The following PNLIPRP1 variants were observed in gnomAD, a reference collection of about 807,000 sequenced individuals.
The protein encoded by PNLIPRP1 is inactive pancreatic lipase-related protein 1.
In PNLIPRP1, 57 loss-of-function variants were observed where a neutral mutation model predicts 54.6. The observed-to-expected ratio is 1.04, with a 90% CI of 0.84 to 1.30. The LOEUF (loss-of-function observed/expected upper bound fraction) is 1.30. PNLIPRP1 is among the 50% of genes most tolerant of loss of function. The pLI is 0.00. For synonymous variants in PNLIPRP1, 232 were observed against 208.8 expected, an observed-to-expected ratio of 1.11 and a Z score of -0.96; for missense variants, 567 against 568.5, an observed-to-expected ratio of 1.00 and a Z score of 0.03.
intron 4 of PNLIPRP1, chr10:116,594,449 GT>G (rs1847698960): frequency 1.9e-6 from 1 of 539,694 alleles, no homozygotes. Context: ...TGATGCAATT[GT>G]TTTTCCCTTA....
At chr10:116,594,403 C>G (rs1301569067) in intron 4 of PNLIPRP1, 7 of 505,854 alleles carry the variant, frequency 1.4e-5, no homozygotes, top group African/African-American at 3.9e-5. Flanking sequence ...GAGATTGCAC[C>G]TAAGACTTTT....
Position 116,597,906 on chromosome 10 carries a change from A to T in PNLIPRP1, c.653A>T (p.Asp218Val). 6.2e-7 allele frequency: 1 copy of T among 1,614,214 alleles called. No individual in the cohort carries two copies. Among genetic ancestry groups the T allele is most frequent in the Non-Finnish European group, 8.5e-7 (1 of 1,180,046 alleles). ...RLDPSDADFVDVIHTDAAPLI... is the reference protein window; with the variant it reads ...RLDPSDADFVVVIHTDAAPLI... ...GATCCCTCTGATGCTGACTTTGTTG[A>T]TGTGATTCACACGGATGCAGCTCCC... The change falls in exon 7 of 13, where the codon GAT (aspartate) becomes GTT (valine). Residue 218 changes from aspartate to valine, a missense_variant. Physicochemically the swap from Asp to Val is radical, Grantham distance 152 (BLOSUM62 -3). Transcript: ENST00000358834.
chr10:116,590,961 T>C lies in PNLIPRP1; in HGVS notation c.-35T>C, dbSNP rs1847624705. 1 of 590,996 alleles carries C rather than the reference T, an allele frequency of 1.7e-6. No individual in the cohort carries two copies. The highest frequency in any genetic ancestry group is 1.9e-5 in the African/African-American group (1 of 54,014). 36.6% of individuals were successfully genotyped at this position (590,996 alleles called of 1,614,324 possible). A position where few individuals can be genotyped will look rare whatever the true frequency, so the allele number is the denominator to read the frequency against. On this transcript the variant is annotated 5_prime_UTR_variant, in exon 1 of 13. Transcript: ENST00000358834. ...TTTTTAGAAAGGGCTGGACACTCGA[T>C]CCGGTGGGAGGGAACATCTGGAACA...
rs781929022 is a variant in PNLIPRP1 at position 116,601,080 on chromosome 10, C to T, written c.942C>T (p.Cys314=). Residue 314 remains cysteine (C), a synonymous_variant, in exon 10 of 13, where the codon TGC becomes TGT. Coordinates refer to ENST00000358834, the MANE Select transcript of PNLIPRP1 (RefSeq NM_006229.4). ...CTATCTCTTCTCATTAGGACAAGTGCTTCCCGTGTCCAGATCAAGGATGCC... is the reference window on the plus strand; with the variant it reads ...CTATCTCTTCTCATTAGGACAAGTGTTTCCCGTGTCCAGATCAAGGATGCC... ...TSYKSFESDK[C]FPCPDQGCPQ... 3 of 1,611,556 alleles carry T rather than the reference C, an allele frequency of 1.9e-6. No homozygotes were observed. Among genetic ancestry groups the T allele is most frequent in the Non-Finnish European group, 2.5e-6 (3 of 1,179,234 alleles).
chr10:116,596,687 C>A (rs1273438098), intron 6 of PNLIPRP1, among the ~76,000 whole-genome samples: 1 of 152,102 alleles, frequency 6.6e-6, no homozygotes, highest in Admixed American at 6.5e-5. Context: ...ATTGCCAATT[C>A]TTTCTCCCTT....
intron 5 of PNLIPRP1, chr10:116,595,319 G>A (rs1554863812): frequency 6.2e-6 from 1 of 161,654 alleles, no homozygotes; most frequent in African/African-American, 2.4e-5. Flanking sequence ...TGGTGGTATG[G>A]GTCCTATTGA....
At chr10:116,593,241 A>G (rs1208107412) in intron 4 of PNLIPRP1, 1 of 155,852 alleles carries the variant, frequency 6.4e-6, no homozygotes, top group Non-Finnish European at 1.4e-5. Flanking sequence ...TACATGTAAT[A>G]TAGGTCAGAA....
chr10:116,607,049 G>A lies in PNLIPRP1; in HGVS notation c.1340+1496G>A, dbSNP rs72825629. On this transcript the variant is annotated intron_variant, in intron 12 of 12. Coordinates refer to ENST00000358834, the MANE Select transcript of PNLIPRP1 (RefSeq NM_006229.4). ...TAATAATAATAATAATAATAATAATGAAGAAGCTAAAGAAAATCAAGATTT... is the reference window on the plus strand; with the variant it reads ...TAATAATAATAATAATAATAATAATAAAGAAGCTAAAGAAAATCAAGATTT... Among the ~76,000 whole-genome samples, 59 of 101,784 alleles carry A rather than the reference G, an allele frequency of 5.8e-4. No homozygotes were observed. The South Asian group carries it at 0.015, about 26-fold the overall frequency. 66.8% of individuals were successfully genotyped at this position (101,784 alleles called of 152,430 possible). A position where few individuals can be genotyped will look rare whatever the true frequency, so the allele number is the denominator to read the frequency against.
rs782060472 is a variant in PNLIPRP1 at position 116,601,201 on chromosome 10, C to T, written c.1063C>T (p.Arg355Cys). Residue 355 changes from arginine to cysteine, a missense_variant and splice_region_variant, in exon 10 of 13, where the codon CGC becomes TGC. Transcript: ENST00000358834. ...LNTGEASNFA[R>C]WRYGVSITLS... ...CACAGGAGAGGCTAGCAATTTCGCTCGTAAGTTGCACTTTGACTACCTGCC... is the reference window on the plus strand; with the variant it reads ...CACAGGAGAGGCTAGCAATTTCGCTTGTAAGTTGCACTTTGACTACCTGCC... 1.4e-5 allele frequency: 22 copies of T among 1,611,610 alleles called. No homozygotes were observed. Among genetic ancestry groups the T allele is most frequent in the Middle Eastern group, 3.3e-4 (2 of 6,054 alleles).
rs782300272 is a variant in PNLIPRP1, at chr10:116,592,469, C to T, written c.258C>T (p.Asp86=). The T allele has an allele frequency of 6.2e-6, 10 of 1,613,552 alleles. No homozygotes were observed. The Admixed American group carries it at 1.7e-4, about 27-fold the overall frequency. The change falls in exon 4 of 13, where the codon GAC becomes GAT. Residue 86 remains aspartate (D), a synonymous_variant. Coordinates refer to ENST00000358834, the MANE Select transcript of PNLIPRP1 (RefSeq NM_006229.4). ...STIEASNFQM[D]RKTRFIIHGF... ...TTGAGGCATCAAATTTTCAAATGGA[C>T]AGAAAGACCCGGTTCATCATCCATG... is the stretch of plus-strand genomic sequence containing the variant.
chr10:116,592,373 G>A (rs1847654135), intron 3 of PNLIPRP1, 43 bp from the exon 4 acceptor site: 2 of 1,553,812 alleles, frequency 1.3e-6, no homozygotes, highest in Non-Finnish European at 1.7e-6. Flanking sequence ...AGGCCTGTGA[G>A]GCTGGGCTGC....
intron 6 of PNLIPRP1, 27 bp from the exon 7 acceptor site, chr10:116,597,801 T>C: frequency 4.3e-6 from 7 of 1,614,036 alleles, no homozygotes; most frequent in African/African-American, 1.3e-5. Flanking sequence ...AGGTCTATTG[T>C]TCTGCAGTGC....
At chr10:116,591,660 A>T in intron 2 of PNLIPRP1, 111 bp from the exon 3 acceptor site, 1 of 1,116,630 alleles carries the variant, frequency 9.0e-7, no homozygotes, top group Non-Finnish European at 1.3e-6. Context: ...AGGTTCATCC[A>T]TTGTCTTCAG....
At chr10:116,592,914 T>A (rs1028771374) in intron 4 of PNLIPRP1, 3 of 354,944 alleles carry the variant, frequency 8.5e-6, no homozygotes, top group Non-Finnish European at 1.7e-5. Flanking sequence ...ACTTAATTGA[T>A]CCCAGCACTT....
chr10:116,591,656 A>T, intron 2 of PNLIPRP1, 115 bp from the exon 3 acceptor site: 1 of 1,058,614 alleles, frequency 9.4e-7, no homozygotes, highest in East Asian at 2.4e-5. Context: ...CAGTAGGTTC[A>T]TCCATTGTCT....
At chr10:116,599,737 G>A (rs1382725378) in intron 8 of PNLIPRP1, among the ~76,000 whole-genome samples, 1 of 152,070 alleles carries the variant, frequency 6.6e-6, no homozygotes, top group East Asian at 1.9e-4. Context: ...TAAATCTGAG[G>A]CTACACTCTG....
At chr10:116,603,088 T>C (rs1213664695) in intron 10 of PNLIPRP1, among the ~76,000 whole-genome samples, 2 of 152,214 alleles carry the variant, frequency 1.3e-5, no homozygotes, top group African/African-American at 2.4e-5. Context: ...TGTTTGTGTA[T>C]ATGTATTTGT....
Position 116,609,130 on chromosome 10 carries a change from C to T in PNLIPRP1, c.*14C>T. The T allele has an allele frequency of 6.3e-7, 1 of 1,594,508 alleles. No homozygotes were observed. Among genetic ancestry groups the T allele is most frequent in the Non-Finnish European group, 8.6e-7 (1 of 1,167,442 alleles). On this transcript the variant is annotated 3_prime_UTR_variant, in exon 13 of 13. Coordinates refer to ENST00000358834, the MANE Select transcript of PNLIPRP1 (RefSeq NM_006229.4). ...ACGCCCTGCTAAGCTCCCGGGGCGA[C>T]GAGGCTGCTGCGTTCACACTAATAA...
chr10:116,608,759 C>T (rs1847978100), intron 12 of PNLIPRP1, among the ~76,000 whole-genome samples: 1 of 152,206 alleles, frequency 6.6e-6, no homozygotes, highest in Admixed American at 6.5e-5. Context: ...GGCCGCCAGG[C>T]GCCTGTGGGG....
Sources: gnomAD v4.1 joint callset for allele counts (sites outside exome capture counted in the v4.1 genomes callset) on GRCh38, gnomAD v4.1.1 for gene constraint, MANE v1.5 for transcripts, NCBI Gene and HGNC (gene_info 2026-07-23, HGNC 2026-07-21) for gene names.